The following AMOTL1 variants were observed in gnomAD, a reference collection of about 807,000 sequenced individuals.
AMOTL1 encodes angiomotin-like protein 1.
Under a neutral mutation model 102.9 loss-of-function variants are expected in AMOTL1, and 45 were observed. The ratio of observed to expected loss-of-function variants is 0.44; its 90% CI spans 0.34 to 0.56. AMOTL1 has a LOEUF of 0.56. AMOTL1 is among the 20% of genes least tolerant of loss of function. The probability of loss-of-function intolerance (pLI) is 0.01; values close to 1 mark genes in which losing one functional copy is unlikely to be tolerated. For synonymous variants in AMOTL1, 481 were observed against 484.7 expected (o/e 0.99, Z 0.10); for missense variants, 1,114 against 1,225.6 (o/e 0.91, Z 1.36).
Position 94,864,942 on chromosome 11 carries a change from G to A in AMOTL1, c.2261+82G>A, listed in dbSNP as rs1003834494. On this transcript the variant is annotated intron_variant, in intron 10 of 12. Transcript: ENST00000433060. ...CCAGAACAGATTGCTTCTCTGTCCTGTTCTGAAAGGCTGTGAGCATGAGGT... is the reference window on the plus strand; with the variant it reads ...CCAGAACAGATTGCTTCTCTGTCCTATTCTGAAAGGCTGTGAGCATGAGGT... 2.0e-6 allele frequency: 3 copies of A among 1,480,026 alleles called. No individual in the cohort carries two copies. The South Asian group carries it at 4.5e-5, about 22-fold the overall frequency. The allele number at this position is 1,480,026 out of a possible 1,614,324, so 91.7% of individuals were successfully genotyped here. A position where few individuals can be genotyped will look rare whatever the true frequency, so the allele number is the denominator to read the frequency against.
At chr11:94,815,187 A>G (rs1249653466) in intron 3 of AMOTL1, among the ~76,000 whole-genome samples, 5 of 152,224 alleles carry the variant, frequency 3.3e-5, no homozygotes, top group African/African-American at 1.2e-4. Flanking sequence ...AAGTGGCTTA[A>G]TATTTATCTC....
intron 1 of AMOTL1, among the ~76,000 whole-genome samples, chr11:94,715,255 ATTTG>A (rs1404048332): frequency 1.2e-4 from 18 of 152,094 alleles, no homozygotes; most frequent in African/African-American, 4.3e-4. Context: ...ATTTCTTAAC[ATTTG>A]TTAATAGCTG....
intron 2 of AMOTL1, among the ~76,000 whole-genome samples, chr11:94,738,161 A>G (rs1051720098): frequency 6.6e-6 from 1 of 152,212 alleles, no homozygotes; most frequent in Non-Finnish European, 1.5e-5. Context: ...GGGAGAGTAA[A>G]TAAACAGGCA....
intron 4 of AMOTL1, among the ~76,000 whole-genome samples, chr11:94,825,898 T>C (rs557769354): frequency 3.9e-5 from 6 of 152,268 alleles, no homozygotes; most frequent in Non-Finnish European, 8.8e-5. Flanking sequence ...ATTCATCTTT[T>C]ACTTGAATGC....
chr11:94,768,510 T>A lies in AMOTL1; in HGVS notation c.-2T>A. On this transcript the variant is annotated 5_prime_UTR_variant, in exon 1 of 13. Coordinates refer to ENST00000433060, the MANE Select transcript of AMOTL1 (RefSeq NM_130847.3). ...AGGGACTGAACTAGCCATGATCGCC[T>A]CATGTGGAGGGCAAAGTTGCGCCGG... The A allele has an allele frequency of 6.2e-7, 1 of 1,600,250 alleles. No homozygotes were observed. Among genetic ancestry groups the A allele is most frequent in the South Asian group, 1.1e-5 (1 of 88,180 alleles).
At chr11:94,844,325 C>G (rs1952363717) in intron 6 of AMOTL1, among the ~76,000 whole-genome samples, 1 of 152,194 alleles carries the variant, frequency 6.6e-6, no homozygotes, top group East Asian at 1.9e-4. Context: ...ACCTCTCTCT[C>G]TCTCCCTTCC....
At chr11:94,792,374 G>A (rs550289613) in intron 1 of AMOTL1, among the ~76,000 whole-genome samples, 3 of 152,294 alleles carry the variant, frequency 2.0e-5, no homozygotes, top group East Asian at 1.9e-4. Context: ...TGTAAATGAC[G>A]AGTTAATGGT....
At chr11:94,806,516 C>T (rs1031894027) in intron 3 of AMOTL1, among the ~76,000 whole-genome samples, 6 of 152,256 alleles carry the variant, frequency 3.9e-5, no homozygotes, top group East Asian at 1.9e-4. Context: ...TTGCCCTTAA[C>T]GAAAATGAGG....
At chr11:94,817,981 A>C (rs927319815) in intron 3 of AMOTL1, among the ~76,000 whole-genome samples, 1 of 152,138 alleles carries the variant, frequency 6.6e-6, no homozygotes, top group Non-Finnish European at 1.5e-5. Context: ...GGGCAGCTAC[A>C]CTCCTGTGAG....
At chr11:94,827,009 G>A (rs1333296164) in intron 4 of AMOTL1, among the ~76,000 whole-genome samples, 1 of 152,098 alleles carries the variant, frequency 6.6e-6, no homozygotes, top group Middle Eastern at 3.2e-3. Context: ...TGCAGAGGGA[G>A]GTTCTTTGAG....
chr11:94,752,908 TC>T (rs537253937), intron 3 of AMOTL1, among the ~76,000 whole-genome samples: 1 of 152,320 alleles, frequency 6.6e-6, no homozygotes, highest in South Asian at 2.1e-4. Flanking sequence ...TTTGTCTGTC[TC>T]CCAAGGGTTT....
intron 10 of AMOTL1, 82 bp from the exon 11 acceptor site, chr11:94,865,860 C>T: frequency 8.1e-7 from 1 of 1,236,180 alleles, no homozygotes; most frequent in Non-Finnish European, 1.2e-6. Flanking sequence ...CAATTAAAGT[C>T]TTTGGGACAG....
chr11:94,836,605 T>C (rs1952187084), intron 6 of AMOTL1, among the ~76,000 whole-genome samples: 1 of 152,216 alleles, frequency 6.6e-6, no homozygotes, highest in African/African-American at 2.4e-5. Flanking sequence ...TATCAAAATA[T>C]TCTTTTAAAC....
chr11:94,776,438 C>A (rs1951026673), intron 1 of AMOTL1, among the ~76,000 whole-genome samples: 1 of 152,250 alleles, frequency 6.6e-6, no homozygotes, highest in South Asian at 2.1e-4. Context: ...GGTCTTCCCA[C>A]TTCTGTTTTC....
At chr11:94,832,275 A>G (rs1290574811) in intron 6 of AMOTL1, among the ~76,000 whole-genome samples, 3 of 152,232 alleles carry the variant, frequency 2.0e-5, no homozygotes, top group Non-Finnish European at 2.9e-5. Flanking sequence ...TAAGATTATG[A>G]GTAAGTGCTC....
chr11:94,716,757 T>A (rs1293347036), intron 1 of AMOTL1, among the ~76,000 whole-genome samples: 1 of 152,132 alleles, frequency 6.6e-6, no homozygotes, highest in East Asian at 1.9e-4. Flanking sequence ...GGTACCCTAC[T>A]GATGTTGATG....
chr11:94,753,727 C>G (rs932284389), intron 3 of AMOTL1, among the ~76,000 whole-genome samples: 4 of 152,194 alleles, frequency 2.6e-5, no homozygotes, highest in African/African-American at 9.7e-5. Flanking sequence ...GAGCAAGTCA[C>G]TAGAACCCAA....
intron 2 of AMOTL1, among the ~76,000 whole-genome samples, chr11:94,797,658 C>T (rs1234582729): frequency 6.6e-6 from 1 of 152,164 alleles, no homozygotes; most frequent in Non-Finnish European, 1.5e-5. Context: ...TATCACTTGT[C>T]CAATAATTTT....
At position 94,803,965 on chromosome 11, in the gene AMOTL1, T is replaced by G. The variant is rs115054349; in HGVS notation, c.1121+3654T>G. Among the ~76,000 whole-genome samples the G allele has an allele frequency of 7.7e-3, 1,179 of 152,344 alleles. 19 individuals carry two copies. The highest frequency in any genetic ancestry group is 0.027 in the African/African-American group (1,115 of 41,582). On this transcript the variant is annotated intron_variant, in intron 3 of 12. Coordinates refer to ENST00000433060, the MANE Select transcript of AMOTL1 (RefSeq NM_130847.3). ...TATCCTCGCTTTTGAAAGATAGCATTGTATCACAAGCTTTTTTCCACAATC... is the reference window on the plus strand; with the variant it reads ...TATCCTCGCTTTTGAAAGATAGCATGGTATCACAAGCTTTTTTCCACAATC...
Sources: gnomAD v4.1 joint callset for allele counts (sites outside exome capture counted in the v4.1 genomes callset) on GRCh38, gnomAD v4.1.1 for gene constraint, MANE v1.5 for transcripts, NCBI Gene and HGNC (gene_info 2026-07-23, HGNC 2026-07-21) for gene names.